GALNT17: variants seen among roughly 807,000 people sequenced by gnomAD.
The protein encoded by GALNT17 is polypeptide N-acetylgalactosaminyltransferase 17, also known as UDP-GalNAc:polypeptide N-acetylgalactosaminyltransferase-like 3.
Under a neutral mutation model 63.7 loss-of-function variants are expected in GALNT17, and 29 were observed. That is an observed-to-expected ratio of 0.46 (90% CI 0.34 to 0.62). The LOEUF is 0.62. Ranked by LOEUF, GALNT17 falls within the 20% of genes least tolerant of loss-of-function variation. GALNT17 has a pLI of 0.01. For missense variants in GALNT17, 603 were observed against 799.6 expected (o/e 0.75, Z 2.97); for synonymous variants, 305 against 318.3 (o/e 0.96, Z 0.45).
chr7:71,557,021 G>A (rs1364985504), intron 5 of GALNT17, among the ~76,000 whole-genome samples: 2 of 151,308 alleles, frequency 1.3e-5, no homozygotes, highest in African/African-American at 4.9e-5. Flanking sequence ...AGAGTAGCTG[G>A]GATTACAGGT....
At chr7:71,369,357 C>A (rs1792574374) in intron 2 of GALNT17, among the ~76,000 whole-genome samples, 1 of 152,146 alleles carries the variant, frequency 6.6e-6, no homozygotes, top group Non-Finnish European at 1.5e-5. Context: ...TTGTTGCTAC[C>A]CTGAGTTCCT....
At chr7:71,586,189 G>A (rs1445647971) in intron 6 of GALNT17, among the ~76,000 whole-genome samples, 1 of 152,276 alleles carries the variant, frequency 6.6e-6, no homozygotes, top group East Asian at 1.9e-4. Flanking sequence ...TTACAGGCAT[G>A]AGCCACCGCA....
intron 1 of GALNT17, among the ~76,000 whole-genome samples, chr7:71,209,097 T>C (rs6954525): frequency 0.57 from 86,585 of 152,096 alleles, 25,071 homozygotes; most frequent in South Asian, 0.69. Context: ...GTGTTCCAAC[T>C]AAACTTTATT....
intron 1 of GALNT17, among the ~76,000 whole-genome samples, chr7:71,233,830 A>C (rs1478231362): frequency 6.6e-6 from 1 of 152,136 alleles, no homozygotes; most frequent in African/African-American, 2.4e-5. Context: ...GGTTTCATTG[A>C]CTCACAGTTC....
rs1472348161 is a variant in GALNT17 at position 71,680,609 on chromosome 7, TCCCTCTCTCCC to T, written c.1500+3304_1500+3314del. Among the ~76,000 whole-genome samples the T allele has an allele frequency of 1.8e-3, 2 of 1,134 alleles. 1 individual carries two copies. The highest frequency in any genetic ancestry group is 0.024 in the Non-Finnish European group (2 of 84). 0.7% of individuals were successfully genotyped at this position (1,134 alleles called of 152,430 possible). A position where few individuals can be genotyped will look rare whatever the true frequency, so the allele number is the denominator to read the frequency against. ...CTCCCTCCCTCTCTCTCTTCCTCCC[TCCCTCTCTCCC>T]TCCTTCCTTTCCTTCCTTCCTCCCT... is the stretch of plus-strand genomic sequence containing the variant. On this transcript the variant is annotated intron_variant, in intron 9 of 10. Coordinates refer to ENST00000333538, the MANE Select transcript of GALNT17 (RefSeq NM_022479.3).
At chr7:71,150,969 C>A (rs1342204196) in intron 1 of GALNT17, among the ~76,000 whole-genome samples, 1 of 134,514 alleles carries the variant, frequency 7.4e-6, no homozygotes, top group Non-Finnish European at 1.6e-5. Context: ...ACAGTGAGAC[C>A]CTGACTTCAA....
intron 1 of GALNT17, among the ~76,000 whole-genome samples, chr7:71,158,541 C>T (rs980836548): frequency 6.6e-6 from 1 of 151,350 alleles, no homozygotes; most frequent in Non-Finnish European, 1.5e-5. Flanking sequence ...ATTACAGGTG[C>T]CTGCCACCAC....
At chr7:71,207,060 C>T (rs1340177458) in intron 1 of GALNT17, among the ~76,000 whole-genome samples, 1 of 151,756 alleles carries the variant, frequency 6.6e-6, no homozygotes, top group East Asian at 1.9e-4. Flanking sequence ...GAGCCAAGAT[C>T]GTGCCACTGC....
chr7:71,162,107 T>TCCTC lies in GALNT17; in HGVS notation c.238+29083_238+29086dup, dbSNP rs1246321851. Among the ~76,000 whole-genome samples the TCCTC allele has an allele frequency of 1.3e-3, 96 of 73,414 alleles. No homozygotes were observed. In the East Asian group the frequency reaches 0.021, roughly 16 times the overall value. The allele number at this position is 73,414 out of a possible 152,430, so 48.2% of individuals were successfully genotyped here. A position where few individuals can be genotyped will look rare whatever the true frequency, so the allele number is the denominator to read the frequency against. ...TTCCTTCCTCCCTCCCTCCCTTCCT[T>TCCTC]CCTCCCTCCCTCCCTCCCTTCCTTC... On this transcript the variant is annotated intron_variant, in intron 1 of 10. Coordinates refer to ENST00000333538, the MANE Select transcript of GALNT17 (RefSeq NM_022479.3).
At chr7:71,160,689 C>T (rs1424365286) in intron 1 of GALNT17, among the ~76,000 whole-genome samples, 3 of 152,146 alleles carry the variant, frequency 2.0e-5, no homozygotes, top group African/African-American at 7.2e-5. Flanking sequence ...AAACTCCCAA[C>T]CTCAGGTGAT....
intron 5 of GALNT17, among the ~76,000 whole-genome samples, chr7:71,440,358 A>G (rs545147066): frequency 4.9e-4 from 71 of 146,056 alleles, no homozygotes; most frequent in Non-Finnish European, 7.7e-4. Flanking sequence ...CACAGTTCAG[A>G]ACTCTTTCTT....
intron 1 of GALNT17, among the ~76,000 whole-genome samples, chr7:71,170,832 G>A (rs1214486443): frequency 6.6e-6 from 1 of 152,102 alleles, no homozygotes; most frequent in Non-Finnish European, 1.5e-5. Context: ...ATATGATTTC[G>A]AACTTTGCTT....
intron 9 of GALNT17, among the ~76,000 whole-genome samples, chr7:71,694,249 A>C (rs939433278): frequency 2.6e-5 from 4 of 152,166 alleles, no homozygotes; most frequent in African/African-American, 9.7e-5. Context: ...TCCCTCCCAC[A>C]AAACATTAGA....
In GALNT17 at chr7:71,157,481, A is replaced by T. The variant is rs1009619164; in HGVS notation, c.238+24441A>T. Among the ~76,000 whole-genome samples, 31 of 151,732 alleles carry T rather than the reference A, an allele frequency of 2.0e-4. 1 individual carries two copies. Among genetic ancestry groups the T allele is most frequent in the African/African-American group, 7.5e-4 (31 of 41,068 alleles). On this transcript the variant is annotated intron_variant, in intron 1 of 10. Coordinates refer to ENST00000333538, the MANE Select transcript of GALNT17 (RefSeq NM_022479.3). ...GAGACCAGCCTGGCCAACATGGTGA[A>T]ACCCTGTCTCTTCAGAGAATACAAA...
At chr7:71,415,669 A>G (rs536785351) in intron 3 of GALNT17, among the ~76,000 whole-genome samples, 1 of 152,288 alleles carries the variant, frequency 6.6e-6, no homozygotes, top group Non-Finnish European at 1.5e-5. Context: ...ATCCCGCTGT[A>G]CGGATTGCAA....
chr7:71,354,911 T>C (rs2141885), intron 2 of GALNT17, among the ~76,000 whole-genome samples: 28,258 of 152,140 alleles, frequency 0.19, 2,638 homozygotes, highest in East Asian at 0.29. Flanking sequence ...TCTCTAATGA[T>C]GTCAACCTTG....
chr7:71,202,165 A>G (rs1789186678), intron 1 of GALNT17, among the ~76,000 whole-genome samples: 1 of 152,186 alleles, frequency 6.6e-6, no homozygotes, highest in Non-Finnish European at 1.5e-5. Flanking sequence ...ATAAAACAAT[A>G]TAAATAAGCA....
At chr7:71,472,752 A>G (rs915013887) in intron 5 of GALNT17, among the ~76,000 whole-genome samples, 2 of 152,320 alleles carry the variant, frequency 1.3e-5, no homozygotes, top group East Asian at 1.9e-4. Flanking sequence ...TCTGGATATC[A>G]TATTATAACA....
chr7:71,145,049 A>G (rs951786296), intron 1 of GALNT17, among the ~76,000 whole-genome samples: 2 of 151,970 alleles, frequency 1.3e-5, no homozygotes, highest in Non-Finnish European at 2.9e-5. Context: ...TTTTAAGGGG[A>G]TCATGGAGGA....
Sources: allele counts gnomAD v4.1 joint callset (sites outside exome capture counted in the v4.1 genomes callset), GRCh38; gene constraint gnomAD v4.1.1; transcripts MANE v1.5; gene names NCBI Gene and HGNC (gene_info 2026-07-23, HGNC 2026-07-21).